The following ANO3 variants were observed in gnomAD, a reference collection of about 807,000 sequenced individuals.
ANO3 encodes the protein anoctamin-3.
Under a neutral mutation model 144.8 loss-of-function variants are expected in ANO3, and 99 were observed. The ratio of observed to expected loss-of-function variants is 0.68; its 90% CI spans 0.58 to 0.81. The LOEUF is 0.81. Among genes scored for constraint, ANO3 ranks in the 30% least tolerant of loss-of-function variants. The pLI, the probability that ANO3 is intolerant of heterozygous loss-of-function variation, is 0.00. For missense variants in ANO3, 905 were observed against 1,202.2 expected (o/e 0.75, Z 3.66); for synonymous variants, 414 against 392.6 (o/e 1.05, Z -0.64).
chr11:26,400,959 A>C (rs949339515), intron 1 of ANO3, among the ~76,000 whole-genome samples: 11 of 152,096 alleles, frequency 7.2e-5, no homozygotes, highest in African/African-American at 1.9e-4. Context: ...GAACTACTTC[A>C]TCCTAAAGTT....
intron 1 of ANO3, among the ~76,000 whole-genome samples, chr11:26,228,478 A>G (rs11029402): frequency 0.36 from 54,787 of 152,008 alleles, 10,973 homozygotes; most frequent in Non-Finnish European, 0.44. Context: ...CAAACACAAG[A>G]TAAGTTTTAT....
chr11:26,528,001 T>A (rs1453103349), intron 7 of ANO3, among the ~76,000 whole-genome samples: 1 of 152,176 alleles, frequency 6.6e-6, no homozygotes, highest in Non-Finnish European at 1.5e-5. Context: ...TTCATAGAAT[T>A]ATCTTAGGTT....
At chr11:26,268,125 G>C (rs936443190) in intron 1 of ANO3, among the ~76,000 whole-genome samples, 1 of 152,066 alleles carries the variant, frequency 6.6e-6, no homozygotes, top group African/African-American at 2.4e-5. Context: ...AATACTGCCT[G>C]AAGCACCACC....
chr11:26,546,272 G>T (rs1331726643), intron 11 of ANO3, among the ~76,000 whole-genome samples: 1 of 151,696 alleles, frequency 6.6e-6, no homozygotes, highest in African/African-American at 2.4e-5. Flanking sequence ...GGGTTTCCTA[G>T]GAGAGAGAGA....
intron 14 of ANO3, among the ~76,000 whole-genome samples, chr11:26,561,521 A>G (rs541246108): frequency 2.6e-5 from 4 of 152,084 alleles, no homozygotes; most frequent in African/African-American, 9.6e-5. Flanking sequence ...AGTGTAGACC[A>G]TACCTCATTG....
chr11:26,544,273 T>TATATACACACACACACAC, intron 11 of ANO3, among the ~76,000 whole-genome samples: 2 of 58,544 alleles, frequency 3.4e-5, no homozygotes, highest in Admixed American at 2.1e-4. Flanking sequence ...TATATATATA[T>TATATACACACACACACAC]ACACACATAC....
rs367822925 is a variant in ANO3 at position 26,553,224 on chromosome 11, G to GTTTTTTTT, written c.1290-20_1290-19insTTTTTTTT. The GTTTTTTTT allele has an allele frequency of 1.7e-5, 20 of 1,174,336 alleles. 1 individual carries two copies. The highest frequency in any genetic ancestry group is 2.1e-4 in the Middle Eastern group (1 of 4,660). The allele number at this position is 1,174,336 out of a possible 1,614,324, so 72.7% of individuals were successfully genotyped here. ...ACAGTTTCATGCTATGTTTTGTTTT[G>GTTTTTTTT]TTTTTGTTTTTGTTTTTTCTCAAGC... On this transcript the variant is annotated intron_variant, in intron 12 of 26. Transcript: ENST00000256737.
rs369623508 is a variant in ANO3, at chr11:26,408,317, T to C, written c.47-33601T>C. On this transcript the variant is annotated intron_variant, in intron 1 of 26. Transcript: ENST00000256737. ...ACCCCATCAAAAAGTGGGCGAAGGA[T>C]ATGAACAGACACTTCTCAAAAGAAG... is the stretch of plus-strand genomic sequence containing the variant. 2.6e-4 allele frequency among the ~76,000 whole-genome samples: 40 copies of C among 151,414 alleles called. 4 individuals carry two copies. The highest frequency in any genetic ancestry group is 2.0e-3 in the Admixed American group (31 of 15,154).
intron 1 of ANO3, among the ~76,000 whole-genome samples, chr11:26,195,691 A>G (rs759758640): frequency 6.6e-6 from 1 of 152,212 alleles, no homozygotes; most frequent in Non-Finnish European, 1.5e-5. Context: ...AGGTCAGCCT[A>G]TAATTCTCTA....
chr11:26,603,272 G>T (rs2132941854), intron 17 of ANO3, among the ~76,000 whole-genome samples: 1 of 152,094 alleles, frequency 6.6e-6, no homozygotes, highest in South Asian at 2.1e-4. Flanking sequence ...TTGAAAGGAA[G>T]AATACAAGTA....
At chr11:26,511,224 T>C (rs375136643) in intron 5 of ANO3, among the ~76,000 whole-genome samples, 18 of 152,318 alleles carry the variant, frequency 1.2e-4, no homozygotes, top group African/African-American at 3.4e-4. Flanking sequence ...ACCTCTGACT[T>C]AGTTTCCTAA....
intron 10 of ANO3, among the ~76,000 whole-genome samples, chr11:26,541,287 G>A (rs1849636800): frequency 6.6e-6 from 1 of 152,040 alleles, no homozygotes; most frequent in Non-Finnish European, 1.5e-5. Flanking sequence ...ACACAATGGG[G>A]CCAGTTCGCG....
At chr11:26,327,035 T>C (rs1443704378) in intron 1 of ANO3, among the ~76,000 whole-genome samples, 1 of 152,224 alleles carries the variant, frequency 6.6e-6, no homozygotes, top group Non-Finnish European at 1.5e-5. Context: ...CATGAAGCTA[T>C]GCAAATCTAC....
intron 1 of ANO3, among the ~76,000 whole-genome samples, chr11:26,236,989 C>T (rs1852546256): frequency 6.6e-6 from 1 of 152,008 alleles, no homozygotes; most frequent in Non-Finnish European, 1.5e-5. Flanking sequence ...TAAGTTTCAA[C>T]TATTGAAGAC....
chr11:26,265,037 T>TA (rs1289770585), intron 1 of ANO3, among the ~76,000 whole-genome samples: 1 of 151,886 alleles, frequency 6.6e-6, no homozygotes, highest in Non-Finnish European at 1.5e-5. Context: ...AAATCAAGAA[T>TA]AAAAAAGATG....
At chr11:26,633,089 G>A (rs769371944) in intron 18 of ANO3, among the ~76,000 whole-genome samples, 12 of 152,100 alleles carry the variant, frequency 7.9e-5, no homozygotes, top group Non-Finnish European at 1.0e-4. Context: ...ATGTGATTGG[G>A]CTAGTGCATG....
chr11:26,547,461 A>G lies in ANO3; in HGVS notation c.1200A>G (p.Gly400=). The G allele has an allele frequency of 6.2e-7, 1 of 1,611,948 alleles. No individual in the cohort carries two copies. Among genetic ancestry groups the G allele is most frequent in the Non-Finnish European group, 8.5e-7 (1 of 1,178,542 alleles). ...TTGGACTATACTTTGCTTGGCTGGG[A>G]TGGTATACTGGAATGTTGATTCCTG... is the stretch of plus-strand genomic sequence containing the variant. The part of the protein sequence containing the change: ...EKIGLYFAWL[G]WYTGMLIPAA... The change falls in exon 12 of 27, where the codon GGA becomes GGG. Residue 400 remains glycine (G), a synonymous_variant. Transcript: ENST00000256737.
intron 4 of ANO3, among the ~76,000 whole-genome samples, chr11:26,477,026 T>C (rs1421750859): frequency 6.6e-6 from 1 of 151,990 alleles, no homozygotes; most frequent in Non-Finnish European, 1.5e-5. Context: ...TACACATTAT[T>C]ATAAGATTTC....
intron 3 of ANO3, among the ~76,000 whole-genome samples, chr11:26,460,377 T>C (rs1859344050): frequency 1.6e-5 from 2 of 128,732 alleles, no homozygotes; most frequent in Admixed American, 9.6e-5. Flanking sequence ...CCAGATATTA[T>C]GCTGACTTCT....
Sources: allele counts gnomAD v4.1 joint callset (sites outside exome capture counted in the v4.1 genomes callset), GRCh38; gene constraint gnomAD v4.1.1; transcripts MANE v1.5; gene names NCBI Gene and HGNC (gene_info 2026-07-23, HGNC 2026-07-21).